Variants in CLIC2 observed in about 807,000 individuals in gnomAD.
CLIC2 encodes CLIC family member 2, also known as chloride intracellular channel protein 2.
Under a neutral mutation model 14.8 loss-of-function variants are expected in CLIC2, and 9 were observed. That is an observed-to-expected ratio of 0.61 (90% CI 0.37 to 1.06). The LOEUF (loss-of-function observed/expected upper bound fraction) is 1.06. Ranked by LOEUF, CLIC2 falls within the 50% of genes least tolerant of loss-of-function variation. CLIC2 has a pLI of 0.01. For synonymous variants in CLIC2, 61 were observed against 66.3 expected, an observed-to-expected ratio of 0.92 and a Z score of 0.39; for missense variants, 148 against 181.4, an observed-to-expected ratio of 0.82 and a Z score of 1.06.
chrX:155,305,239 G>C (rs1054611216), intron 1 of CLIC2, among the ~76,000 whole-genome samples: 2 of 112,317 alleles, frequency 1.8e-5, no homozygotes, highest in African/African-American at 6.5e-5. Flanking sequence ...GAGACTCCGT[G>C]GGCGTGGGAC....
rs1344389478 is a variant in CLIC2, at chrX:155,293,507, G to GA, written c.293+5277dup. ...GTAATGATAAATGACAAGAGAGAGA[G>GA]AAAAAAAACAAAGAATATACAAAAC... On this transcript the variant is annotated intron_variant, in intron 3 of 5. Transcript: ENST00000369449. 5.1e-5 allele frequency: 23 copies of GA among 446,610 alleles called. 1 individual carries two copies. The highest frequency in any genetic ancestry group is 6.2e-4 in the Middle Eastern group (1 of 1,616). The allele number at this position is 446,610 out of a possible 1,213,427, so 36.8% of individuals were successfully genotyped here.
intron 1 of CLIC2, among the ~76,000 whole-genome samples, chrX:155,305,243 G>A (rs914704292): frequency 1.8e-5 from 2 of 112,329 alleles, no homozygotes; most frequent in African/African-American, 3.2e-5. Context: ...CTCCGTGGGC[G>A]TGGGACCCTC....
At chrX:155,293,854 A>G (rs782278311) in intron 3 of CLIC2, among the ~76,000 whole-genome samples, 1 of 112,158 alleles carries the variant, frequency 8.9e-6, no homozygotes, top group East Asian at 2.8e-4. Flanking sequence ...CCAGCAAAAA[A>G]GATATAACAA....
intron 3 of CLIC2, among the ~76,000 whole-genome samples, chrX:155,280,990 G>GAGATATATAT (rs1557316382): frequency 8.9e-5 from 8 of 89,885 alleles, no homozygotes; most frequent in Non-Finnish European, 1.3e-4. Flanking sequence ...GAAATTGTGA[G>GAGATATATAT]ATATATATAT....
intron 1 of CLIC2, among the ~76,000 whole-genome samples, chrX:155,315,795 T>C (rs1156655674): frequency 6.3e-5 from 7 of 111,368 alleles, no homozygotes; most frequent in Non-Finnish European, 1.3e-4. Context: ...ATGGCCTAAA[T>C]GCCTCACTTA....
Position 155,277,988 on chromosome X carries a change from T to C in CLIC2, c.659A>G (p.Tyr220Cys). Residue 220 changes from tyrosine to cysteine, a missense_variant, in exon 6 of 6, where the codon TAT (tyrosine) becomes TGT (cysteine). Transcript: ENST00000369449. ...CGTGTGGGTAAATTCTTCACGGGCATAGGCATTGTGGAGATAACGCCAGAC... is the reference window on the plus strand; with the variant it reads ...CGTGTGGGTAAATTCTTCACGGGCACAGGCATTGTGGAGATAACGCCAGAC... ...SGVWRYLHNAYAREEFTHTCP... is the reference protein window; with the variant it reads ...SGVWRYLHNACAREEFTHTCP... 1.7e-6 allele frequency: 2 copies of C among 1,205,639 alleles called. No homozygotes were observed. Among genetic ancestry groups the C allele is most frequent in the Admixed American group, 2.2e-5 (1 of 45,996 alleles).
At chrX:155,301,589 G>T (rs1395728844) in intron 1 of CLIC2, among the ~76,000 whole-genome samples, 11 of 80,867 alleles carry the variant, frequency 1.4e-4, no homozygotes, top group Non-Finnish European at 2.2e-4. Context: ...CTGCCTAATT[G>T]CCCTGGCCAG....
At chrX:155,322,975 G>A (rs1453507243) in intron 1 of CLIC2, among the ~76,000 whole-genome samples, 1 of 109,374 alleles carries the variant, frequency 9.1e-6, no homozygotes, top group Non-Finnish European at 1.9e-5. Flanking sequence ...TAAATTCCTG[G>A]ACACAGGAAG....
At chrX:155,306,933 T>G (rs911869863) in intron 1 of CLIC2, among the ~76,000 whole-genome samples, 29 of 111,430 alleles carry the variant, frequency 2.6e-4, no homozygotes, top group African/African-American at 9.1e-4. Flanking sequence ...ATATCTAAAC[T>G]ATATCAGCCA....
intron 4 of CLIC2, 24 bp downstream of exon 4, chrX:155,279,938 G>A (rs782808978): frequency 5.0e-6 from 5 of 1,007,925 alleles, no homozygotes; most frequent in Non-Finnish European, 7.0e-6. Flanking sequence ...GAGAAAAATA[G>A]AGATTTAAAG....
chrX:155,306,506 AAC>A (rs2075056263), intron 1 of CLIC2, among the ~76,000 whole-genome samples: 1 of 111,499 alleles, frequency 9.0e-6, no homozygotes, highest in Non-Finnish European at 1.9e-5. Flanking sequence ...TAGTATTGCA[AAC>A]ACAGCCTGAT....
intron 3 of CLIC2, among the ~76,000 whole-genome samples, chrX:155,280,893 C>T (rs2074916397): frequency 9.3e-6 from 1 of 107,551 alleles, no homozygotes; most frequent in Admixed American, 1.0e-4. Context: ...ATGGAGATAT[C>T]TGTGCTGCCA....
chrX:155,307,234 T>C (rs1360422796), intron 1 of CLIC2, among the ~76,000 whole-genome samples: 1 of 111,472 alleles, frequency 9.0e-6, no homozygotes, highest in Non-Finnish European at 1.9e-5. Context: ...GAAATCTATA[T>C]GGGGTCTGTC....
intron 1 of CLIC2, among the ~76,000 whole-genome samples, chrX:155,301,252 C>A (rs1207994348): frequency 4.8e-5 from 5 of 104,355 alleles, no homozygotes; most frequent in Non-Finnish European, 9.9e-5. Context: ...CTTTTATTTC[C>A]TTGAGCAGTG....
At chrX:155,315,095 C>G (rs782429371) in intron 1 of CLIC2, among the ~76,000 whole-genome samples, 14 of 111,610 alleles carry the variant, frequency 1.3e-4, no homozygotes, top group Non-Finnish European at 2.4e-4. Flanking sequence ...ACAAAGCCTC[C>G]AAAAAGCTTG....
At chrX:155,327,900 A>G (rs2075143959) in intron 1 of CLIC2, among the ~76,000 whole-genome samples, 1 of 111,907 alleles carries the variant, frequency 8.9e-6, no homozygotes, top group Admixed American at 9.5e-5. Context: ...CAGAATGAAG[A>G]ACAAAAACCT....
In CLIC2 at chrX:155,277,170, C is replaced by T. The variant is rs2124143472; in HGVS notation, c.*733G>A. The T allele has an allele frequency of 8.9e-6, 1 of 112,465 alleles. No homozygotes were observed. Among genetic ancestry groups the T allele is most frequent in the African/African-American group, 3.2e-5 (1 of 31,078 alleles). The allele number at this position is 112,465 out of a possible 1,213,427, so 9.3% of individuals were successfully genotyped here. ...ATGGACAACAAGAAGACCTTTTGGTCAGCCACAGTTTTTATTTTCCTTTTC... is the reference window on the plus strand; with the variant it reads ...ATGGACAACAAGAAGACCTTTTGGTTAGCCACAGTTTTTATTTTCCTTTTC... On this transcript the variant is annotated 3_prime_UTR_variant, in exon 6 of 6. Coordinates refer to ENST00000369449, the MANE Select transcript of CLIC2 (RefSeq NM_001289.6).
At chrX:155,304,732 T>A in intron 1 of CLIC2, among the ~76,000 whole-genome samples, 1 of 93,706 alleles carries the variant, frequency 1.1e-5, no homozygotes, top group African/African-American at 3.6e-5. Context: ...TGGTCTTTGA[T>A]GATGGTGATG....
intron 1 of CLIC2, among the ~76,000 whole-genome samples, chrX:155,312,942 G>A (rs999243694): frequency 1.3e-4 from 15 of 111,161 alleles, no homozygotes; most frequent in African/African-American, 3.9e-4. Flanking sequence ...CATGCATGTG[G>A]CCAATGAGCG....
Sources: allele counts gnomAD v4.1 joint callset (sites outside exome capture counted in the v4.1 genomes callset), GRCh38; gene constraint gnomAD v4.1.1; transcripts MANE v1.5; gene names NCBI Gene and HGNC (gene_info 2026-07-23, HGNC 2026-07-21).